Variants in RGS7 observed in about 807,000 individuals in gnomAD.
The protein encoded by RGS7 is regulator of G-protein signaling 7.
A neutral mutation model predicts 81.1 loss-of-function variants in RGS7; 27 were observed. That is an observed-to-expected ratio of 0.33 (90% CI 0.25 to 0.46). The LOEUF is 0.46. RGS7 is among the 20% of genes least tolerant of loss of function. The probability of loss-of-function intolerance (pLI) is 1.00; values close to 1 mark genes in which losing one functional copy is unlikely to be tolerated. For synonymous variants in RGS7, 208 were observed against 207.7 expected, an observed-to-expected ratio of 1.00 and a Z score of -0.01; for missense variants, 396 against 607.4, an observed-to-expected ratio of 0.65 and a Z score of 3.66.
At chr1:240,853,581 C>A (rs1032792429) in intron 9 of RGS7, among the ~76,000 whole-genome samples, 7 of 152,086 alleles carry the variant, frequency 4.6e-5, no homozygotes, top group Non-Finnish European at 1.0e-4. Flanking sequence ...TAAAAGGCAG[C>A]AGTCATTCAT....
intron 6 of RGS7, among the ~76,000 whole-genome samples, chr1:240,916,345 TTATAA>T (rs1558461390): frequency 6.7e-6 from 1 of 149,846 alleles, no homozygotes; most frequent in Non-Finnish European, 1.5e-5. Flanking sequence ...GTGGGGGTAA[TTATAA>T]TATAAAAGGC....
intron 14 of RGS7, among the ~76,000 whole-genome samples, chr1:240,807,530 T>C (rs1689073408): frequency 6.6e-6 from 1 of 152,202 alleles, no homozygotes; most frequent in South Asian, 2.1e-4. Context: ...ATGAAGTGCA[T>C]GAGCTAGAAT....
At chr1:241,206,895 A>G (rs1195863441) in intron 2 of RGS7, among the ~76,000 whole-genome samples, 1 of 144,478 alleles carries the variant, frequency 6.9e-6, no homozygotes, top group East Asian at 2.1e-4. Context: ...TGCTGTCTCA[A>G]TTTACCTTCT....
chr1:241,068,328 A>T (rs1038367269), intron 3 of RGS7, among the ~76,000 whole-genome samples: 14 of 149,810 alleles, frequency 9.3e-5, no homozygotes, highest in African/African-American at 3.4e-4. Flanking sequence ...TGCACTAAAT[A>T]ATCAAAGCTA....
intron 3 of RGS7, among the ~76,000 whole-genome samples, chr1:241,015,282 T>A (rs1249412215): frequency 6.6e-6 from 1 of 152,228 alleles, no homozygotes; most frequent in Admixed American, 6.5e-5. Context: ...ATCTGTCGTG[T>A]ACTTTCTGGG....
rs4047365 is a variant in RGS7, at chr1:240,884,077, CAAAAAAAAA to C, written c.386-13967_386-13959del. ...GGCGACAAGAGCAAAAACTCCATCTCAAAAAAAAAAAAAAAAAAAAAAAAAAAGGCCCCA... is the reference window on the plus strand; with the variant it reads ...GGCGACAAGAGCAAAAACTCCATCTCAAAAAAAAAAAAAAAAAAGGCCCCA... On this transcript the variant is annotated intron_variant, in intron 6 of 18. Coordinates refer to ENST00000440928, the MANE Select transcript of RGS7 (RefSeq NM_001364886.1). Among the ~76,000 whole-genome samples, 73 of 57,374 alleles carry C rather than the reference CAAAAAAAAA, an allele frequency of 1.3e-3. 2 individuals are homozygous for C. The highest frequency in any genetic ancestry group is 4.3e-3 in the African/African-American group (55 of 12,920). 37.6% of individuals were successfully genotyped at this position (57,374 alleles called of 152,430 possible). A position where few individuals can be genotyped will look rare whatever the true frequency, so the allele number is the denominator to read the frequency against.
chr1:241,118,563 T>C lies in RGS7; in HGVS notation c.79-19801A>G, dbSNP rs534892908. 5.9e-5 allele frequency among the ~76,000 whole-genome samples: 9 copies of C among 152,260 alleles called. No individual in the cohort carries two copies. The South Asian group carries it at 1.9e-3, about 32-fold the overall frequency. ...CTGGGTATTTACCCAAGGAAATCAT[T>C]TTATAATATAAAAAAGACACTTGCA... On this transcript the variant is annotated intron_variant, in intron 2 of 18. Coordinates refer to ENST00000440928, the MANE Select transcript of RGS7 (RefSeq NM_001364886.1).
chr1:241,128,694 A>G (rs1254235317), intron 2 of RGS7, among the ~76,000 whole-genome samples: 1 of 151,512 alleles, frequency 6.6e-6, no homozygotes, highest in African/African-American at 2.4e-5. Flanking sequence ...TTACATCTCT[A>G]TAAAATATTT....
intron 2 of RGS7, among the ~76,000 whole-genome samples, chr1:241,218,550 G>A (rs530193151): frequency 7.9e-5 from 12 of 152,158 alleles, no homozygotes; most frequent in Non-Finnish European, 1.6e-4. Flanking sequence ...TCACCTAGAG[G>A]GGCTGTTGAA....
At chr1:241,117,822 T>C (rs2065975677) in intron 2 of RGS7, among the ~76,000 whole-genome samples, 1 of 152,070 alleles carries the variant, frequency 6.6e-6, no homozygotes, top group South Asian at 2.1e-4. Context: ...AAGGACCTCG[T>C]GTAAGAAATC....
intron 2 of RGS7, among the ~76,000 whole-genome samples, chr1:241,138,819 C>CT (rs1031197366): frequency 1.1e-4 from 17 of 152,048 alleles, no homozygotes; most frequent in Non-Finnish European, 2.1e-4. Context: ...ATAATATATG[C>CT]TTTTTTTAAA....
chr1:240,813,781 C>G, intron 12 of RGS7, 53 bp from the exon 13 acceptor site: 5 of 1,156,326 alleles, frequency 4.3e-6, no homozygotes, highest in Non-Finnish European at 6.5e-6. Context: ...GGGGTTGCAG[C>G]CAGTCCAAAG....
chr1:241,208,808 G>A (rs2074075188), intron 2 of RGS7, among the ~76,000 whole-genome samples: 1 of 152,112 alleles, frequency 6.6e-6, no homozygotes, highest in Non-Finnish European at 1.5e-5. Context: ...CAAAGGTTTC[G>A]TAAGAGAAAC....
chr1:240,837,374 A>G (rs899621495), intron 9 of RGS7, among the ~76,000 whole-genome samples: 3 of 152,214 alleles, frequency 2.0e-5, no homozygotes, highest in Non-Finnish European at 4.4e-5. Context: ...TTTCAATTGG[A>G]TGAGAAAAAA....
intron 2 of RGS7, among the ~76,000 whole-genome samples, chr1:241,231,890 C>T (rs894160119): frequency 1.3e-5 from 2 of 152,186 alleles, no homozygotes; most frequent in African/African-American, 4.8e-5. Flanking sequence ...CATCTAAAAA[C>T]TCATTGCCTA....
intron 2 of RGS7, among the ~76,000 whole-genome samples, chr1:241,351,598 T>C (rs1024569607): frequency 1.3e-5 from 2 of 152,012 alleles, no homozygotes; most frequent in Non-Finnish European, 2.9e-5. Flanking sequence ...TACAACTAAA[T>C]AAACAGTGCA....
At chr1:240,999,045 T>C (rs1687739869) in intron 3 of RGS7, among the ~76,000 whole-genome samples, 1 of 152,180 alleles carries the variant, frequency 6.6e-6, no homozygotes, top group Non-Finnish European at 1.5e-5. Context: ...TGTTGTTCTG[T>C]CTTCTATTTC....
chr1:240,801,613 TGCAA>T, intron 16 of RGS7, 105 bp from the exon 17 acceptor site: 1 of 808,608 alleles, frequency 1.2e-6, no homozygotes, highest in Middle Eastern at 2.3e-4. Context: ...AATGAAATGA[TGCAA>T]CACCAAATCC....
chr1:241,024,085 A>G (rs1446719070), intron 3 of RGS7, among the ~76,000 whole-genome samples: 1 of 152,220 alleles, frequency 6.6e-6, no homozygotes, highest in Non-Finnish European at 1.5e-5. Flanking sequence ...TTCAAAGATG[A>G]GAAAACAGAA....
Sources: gnomAD v4.1 joint callset for allele counts (sites outside exome capture counted in the v4.1 genomes callset) on GRCh38, gnomAD v4.1.1 for gene constraint, MANE v1.5 for transcripts, NCBI Gene and HGNC (gene_info 2026-07-23, HGNC 2026-07-21) for gene names.